The following PRIM2 variants were observed in gnomAD, a reference collection of about 807,000 sequenced individuals.
PRIM2 encodes the protein DNA primase large subunit.
Under a neutral mutation model 67.3 loss-of-function variants are expected in PRIM2, and 39 were observed. The ratio of observed to expected loss-of-function variants is 0.58; its 90% confidence interval spans 0.45 to 0.76. The LOEUF (loss-of-function observed/expected upper bound fraction) is 0.76, where lower values mean the gene tolerates loss of function less well. Among genes scored for constraint, PRIM2 ranks in the 30% least tolerant of loss-of-function variants. The probability of loss-of-function intolerance (pLI) is 0.00; values close to 1 mark genes in which losing one functional copy is unlikely to be tolerated. For missense variants in PRIM2, 398 were observed against 598.7 expected (o/e 0.66, Z 3.50); for synonymous variants, 143 against 198.7 (o/e 0.72, Z 2.36).
At chr6:57,333,268 C>T (rs1212100843) in intron 5 of PRIM2, among the ~76,000 whole-genome samples, 1 of 152,108 alleles carries the variant, frequency 6.6e-6, no homozygotes, top group Non-Finnish European at 1.5e-5. Context: ...ATAATACTGT[C>T]AAACTTGAGT....
rs1325188008 is a variant in PRIM2 at position 57,407,427 on chromosome 6, A to G, written c.693+25259A>G. ...CTGAAAGTCACAGATTTTTTTTTTC[A>G]CTTAAATGGCTTCATTGTTTTATGT... On this transcript the variant is annotated intron_variant, in intron 7 of 13. Coordinates refer to ENST00000615550, the MANE Select transcript of PRIM2 (RefSeq NM_000947.5). 2.0e-5 allele frequency among the ~76,000 whole-genome samples: 3 copies of G among 151,248 alleles called. No homozygotes were observed. In the South Asian group the frequency reaches 6.2e-4, roughly 31 times the overall value.
chr6:57,466,377 G>A lies in PRIM2; in HGVS notation c.694-41010G>A, dbSNP rs1340331475. ...GGGTCAAATGGTATTTGTGATTCTA[G>A]ATCCATAAGGAATTGCCACACTGTC... On this transcript the variant is annotated intron_variant, in intron 7 of 13. Transcript: ENST00000615550. 2.0e-5 allele frequency among the ~76,000 whole-genome samples: 3 copies of A among 152,256 alleles called. No individual in the cohort carries two copies. The East Asian group carries it at 5.8e-4, about 29-fold the overall frequency.
chr6:57,398,369 A>T (rs1770595148), intron 7 of PRIM2, among the ~76,000 whole-genome samples: 1 of 152,124 alleles, frequency 6.6e-6, no homozygotes, highest in Non-Finnish European at 1.5e-5. Flanking sequence ...TCATTAGTTT[A>T]AAAGAACTTC....
chr6:57,263,620 A>G, the PRIM2 span, among the ~76,000 whole-genome samples: 1 of 152,172 alleles, frequency 6.6e-6, no homozygotes, highest in Admixed American at 6.5e-5. Context: ...ATGAAGTCAC[A>G]TTCTGGGATC....
At chr6:57,495,373 A>G (rs1773980036) in intron 7 of PRIM2, among the ~76,000 whole-genome samples, 1 of 152,234 alleles carries the variant, frequency 6.6e-6, no homozygotes, top group African/African-American at 2.4e-5. Flanking sequence ...CTACAAAGGC[A>G]AGATATCTAT....
rs1442137770 is a variant in PRIM2, at chr6:57,604,795, G to A, written c.1148-1580G>A. Among the ~76,000 whole-genome samples the A allele has an allele frequency of 1.1e-4, 17 of 151,396 alleles. No individual in the cohort carries two copies. The East Asian group carries it at 1.8e-3, about 16-fold the overall frequency. On this transcript the variant is annotated intron_variant, in intron 11 of 13. Coordinates refer to ENST00000615550, the MANE Select transcript of PRIM2 (RefSeq NM_000947.5). ...AAGCTCCGCCTCCTGGGTTCATGCC[G>A]TTCTCCTGCCTCAGCCTCCTGAGTA...
At chr6:57,577,050 T>C (rs1287683808) in intron 10 of PRIM2, among the ~76,000 whole-genome samples, 23 of 152,274 alleles carry the variant, frequency 1.5e-4, no homozygotes, top group Non-Finnish European at 3.1e-4. Context: ...GAAAACCATG[T>C]TTCCCCAAAA....
At chr6:57,241,785 G>A in the PRIM2 span, among the ~76,000 whole-genome samples, 1 of 141,592 alleles carries the variant, frequency 7.1e-6, no homozygotes, top group African/African-American at 2.6e-5. Flanking sequence ...CCATTCTCCT[G>A]CCTCAACCTC....
chr6:57,275,193 T>C, the PRIM2 span, among the ~76,000 whole-genome samples: 1 of 152,088 alleles, frequency 6.6e-6, no homozygotes, highest in Non-Finnish European at 1.5e-5. Context: ...ATTTTCAAGG[T>C]AAGCAAGCAA....
chr6:57,430,863 T>G (rs1480868571), intron 7 of PRIM2, among the ~76,000 whole-genome samples: 2 of 152,220 alleles, frequency 1.3e-5, no homozygotes, highest in Admixed American at 6.5e-5. Context: ...ATTCTTTGGA[T>G]AATTTTTAAG....
chr6:57,502,095 T>TACCAAAA (rs1774143995), intron 7 of PRIM2, among the ~76,000 whole-genome samples: 1 of 152,190 alleles, frequency 6.6e-6, no homozygotes, highest in Admixed American at 6.5e-5. Context: ...GTCACTCTTT[T>TACCAAAA]GGTAGTGACT....
At chr6:57,584,251 A>G (rs1445163084) in intron 10 of PRIM2, among the ~76,000 whole-genome samples, 7 of 152,222 alleles carry the variant, frequency 4.6e-5, no homozygotes, top group Non-Finnish European at 8.8e-5. Flanking sequence ...ACTGAAAAAG[A>G]TGAAACAAAC....
chr6:57,610,353 C>T (rs1411853405), intron 12 of PRIM2, among the ~76,000 whole-genome samples: 1 of 152,278 alleles, frequency 6.6e-6, no homozygotes, highest in South Asian at 2.1e-4. Flanking sequence ...TAGGCGTGAC[C>T]CACCACGCCT....
At chr6:57,372,983 T>C (rs1371791462) in intron 5 of PRIM2, among the ~76,000 whole-genome samples, 5 of 152,248 alleles carry the variant, frequency 3.3e-5, no homozygotes, top group South Asian at 2.1e-4. Flanking sequence ...TACCCGGTAA[T>C]GGGATTGCTG....
intron 7 of PRIM2, among the ~76,000 whole-genome samples, chr6:57,425,363 G>A (rs1771588314): frequency 6.6e-6 from 1 of 152,006 alleles, no homozygotes; most frequent in African/African-American, 2.4e-5. Context: ...GGGACTACAG[G>A]CGCACATCAC....
intron 8 of PRIM2, among the ~76,000 whole-genome samples, chr6:57,531,352 C>T (rs1774885440): frequency 6.6e-6 from 1 of 152,214 alleles, no homozygotes; most frequent in Non-Finnish European, 1.5e-5. Context: ...TTTGTAGAGA[C>T]AGAGTCTTAC....
At chr6:57,547,302 T>A (rs1440526648) in intron 10 of PRIM2, among the ~76,000 whole-genome samples, 1 of 152,190 alleles carries the variant, frequency 6.6e-6, no homozygotes, top group Non-Finnish European at 1.5e-5. Flanking sequence ...TGTGCAGGTT[T>A]GTTACCTGAG....
the PRIM2 span, among the ~76,000 whole-genome samples, chr6:57,242,317 ATTTAT>A: frequency 4.6e-5 from 7 of 152,202 alleles, no homozygotes; most frequent in Admixed American, 2.0e-4. Flanking sequence ...GTAGATTTAC[ATTTAT>A]TTTGTGTTTG....
intron 7 of PRIM2, among the ~76,000 whole-genome samples, chr6:57,401,751 A>C (rs1246368594): frequency 3.3e-5 from 5 of 152,094 alleles, no homozygotes; most frequent in African/African-American, 9.7e-5. Context: ...TCAGCCCAGG[A>C]TGGAGGGCCT....
Sources: gnomAD v4.1 joint callset for allele counts (sites outside exome capture counted in the v4.1 genomes callset) on GRCh38, gnomAD v4.1.1 for gene constraint, MANE v1.5 for transcripts, NCBI Gene and HGNC (gene_info 2026-07-23, HGNC 2026-07-21) for gene names.